Variants in DYNC1I1 observed in about 807,000 individuals in gnomAD.
DYNC1I1 encodes the protein dynein cytoplasmic 1 intermediate chain 1.
DYNC1I1 carries 43 observed loss-of-function variants against 86.6 expected under a neutral mutation model. The ratio of observed to expected loss-of-function variants is 0.50; its 90% CI spans 0.39 to 0.64. The LOEUF (loss-of-function observed/expected upper bound fraction) is 0.64, where lower values mean the gene tolerates loss of function less well. Among genes scored for constraint, DYNC1I1 ranks in the 30% least tolerant of loss-of-function variants. The pLI is 0.00. For synonymous variants in DYNC1I1, 262 were observed against 283.7 expected (o/e 0.92, Z 0.77); for missense variants, 604 against 788.8 (o/e 0.77, Z 2.81).
Position 95,989,640 on chromosome 7 carries a change from TGGA to T in DYNC1I1, c.843+2488_843+2490del, listed in dbSNP as rs548946052. On this transcript the variant is annotated intron_variant, in intron 9 of 16. Transcript: ENST00000447467. ...AGTAGGTGATGGGCCACATTGCCTG[TGGA>T]GGTGTTTCCACACAGGGTCTCGCAT... is the stretch of plus-strand genomic sequence containing the variant. Among the ~76,000 whole-genome samples the T allele has an allele frequency of 1.0e-3, 155 of 152,338 alleles. 6 individuals are homozygous for T. The South Asian group carries it at 0.031, about 31-fold the overall frequency.
intron 5 of DYNC1I1, among the ~76,000 whole-genome samples, chr7:95,867,714 A>C (rs1418488181): frequency 1.3e-5 from 2 of 152,088 alleles, no homozygotes; most frequent in African/African-American, 4.8e-5. Flanking sequence ...GCAGGTGCCC[A>C]GGGCAGTTGA....
At chr7:96,076,538 T>G (rs1329013651) in intron 15 of DYNC1I1, among the ~76,000 whole-genome samples, 3 of 152,194 alleles carry the variant, frequency 2.0e-5, no homozygotes, top group African/African-American at 4.8e-5. Context: ...AGGCAAATAC[T>G]TGGAAAAGAA....
In DYNC1I1 at chr7:95,861,052, A is replaced by C. The variant is rs148807951; in HGVS notation, c.375-8831A>C. 3.0e-4 allele frequency among the ~76,000 whole-genome samples: 45 copies of C among 152,216 alleles called. No individual in the cohort carries two copies. The East Asian group carries it at 8.1e-3, about 28-fold the overall frequency. ...TTTATCTGCTTGCCTTTCAGGAATC[A>C]TTCCTGCTCTAGAAACTGCCTAGTA... On this transcript the variant is annotated intron_variant, in intron 5 of 16. Coordinates refer to ENST00000447467, the MANE Select transcript of DYNC1I1 (RefSeq NM_001135556.2).
At chr7:96,086,152 C>T (rs192346402) in intron 16 of DYNC1I1, among the ~76,000 whole-genome samples, 84 of 152,216 alleles carry the variant, frequency 5.5e-4, no homozygotes, top group Admixed American at 4.4e-3. Flanking sequence ...GAAAGCCCAC[C>T]GCCATTGTTA....
At chr7:95,815,876 A>T (rs1158953754) in intron 4 of DYNC1I1, among the ~76,000 whole-genome samples, 1 of 152,176 alleles carries the variant, frequency 6.6e-6, no homozygotes, top group African/African-American at 2.4e-5. Context: ...CCAAAGCTAA[A>T]ATTTTCTTTA....
chr7:96,018,918 T>C (rs775523001), intron 10 of DYNC1I1, among the ~76,000 whole-genome samples: 61 of 152,124 alleles, frequency 4.0e-4, no homozygotes, highest in Non-Finnish European at 7.2e-4. Context: ...TTCAGAACTG[T>C]GTTTTCCATT....
At chr7:95,927,955 T>G (rs1791789364) in intron 6 of DYNC1I1, among the ~76,000 whole-genome samples, 1 of 152,190 alleles carries the variant, frequency 6.6e-6, no homozygotes, top group Admixed American at 6.5e-5. Flanking sequence ...AGCGTCTGTT[T>G]CACAGAACCC....
At chr7:96,044,519 T>C (rs1789150290) in intron 14 of DYNC1I1, among the ~76,000 whole-genome samples, 1 of 151,702 alleles carries the variant, frequency 6.6e-6, no homozygotes, top group African/African-American at 2.4e-5. Context: ...GAAGAGCCTG[T>C]GAAGGAGAGT....
intron 6 of DYNC1I1, among the ~76,000 whole-genome samples, chr7:95,962,914 A>T (rs1179569345): frequency 6.6e-6 from 1 of 152,166 alleles, no homozygotes; most frequent in Non-Finnish European, 1.5e-5. Context: ...TTGAAACACT[A>T]TTGACTTATA....
At chr7:95,867,845 CA>C (rs1336037062) in intron 5 of DYNC1I1, among the ~76,000 whole-genome samples, 1 of 152,238 alleles carries the variant, frequency 6.6e-6, no homozygotes, top group East Asian at 1.9e-4. Flanking sequence ...GGCTACTAAG[CA>C]GCGGAGAGGC....
intron 7 of DYNC1I1, among the ~76,000 whole-genome samples, chr7:95,984,308 C>T (rs1013277560): frequency 3.9e-4 from 60 of 152,110 alleles, no homozygotes; most frequent in African/African-American, 1.4e-3. Flanking sequence ...AATCAGTCAG[C>T]CTTACCAACT....
chr7:95,818,420 G>C, intron 4 of DYNC1I1: 1 of 561,742 alleles, frequency 1.8e-6, no homozygotes, highest in African/African-American at 1.9e-5. Context: ...TCCCACTTCA[G>C]CTTCCTGCAT....
chr7:95,835,671 A>T (rs1431869489), intron 5 of DYNC1I1, among the ~76,000 whole-genome samples: 4 of 152,090 alleles, frequency 2.6e-5, no homozygotes, highest in Admixed American at 6.5e-5. Context: ...TTGGGTGCAT[A>T]TATGTTTAGG....
intron 6 of DYNC1I1, among the ~76,000 whole-genome samples, chr7:95,910,321 C>A (rs555527784): frequency 6.6e-6 from 1 of 152,284 alleles, no homozygotes; most frequent in Admixed American, 6.5e-5. Flanking sequence ...CTAAATGCTA[C>A]CCCCATCTGT....
rs557990492 is a variant in DYNC1I1, at chr7:95,891,243, A to G, written c.490+21245A>G. On this transcript the variant is annotated intron_variant, in intron 6 of 16. Transcript: ENST00000447467. ...TGGATTTCTAGCCCCAAGACTACGAAGAAATATATTTCCGATGTTTGATCT... is the reference window on the plus strand; with the variant it reads ...TGGATTTCTAGCCCCAAGACTACGAGGAAATATATTTCCGATGTTTGATCT... Among the ~76,000 whole-genome samples the G allele has an allele frequency of 3.9e-5, 6 of 152,346 alleles. No homozygotes were observed. In the East Asian group the frequency reaches 9.6e-4, roughly 24 times the overall value.
intron 6 of DYNC1I1, among the ~76,000 whole-genome samples, chr7:95,935,809 A>G: frequency 6.6e-6 from 1 of 152,164 alleles, no homozygotes; most frequent in East Asian, 1.9e-4. Flanking sequence ...TTAAATAGAC[A>G]TTTCTCCAAA....
Position 95,923,058 on chromosome 7 carries a change from G to T in DYNC1I1, c.490+53060G>T, listed in dbSNP as rs564880689. 1.5e-3 allele frequency among the ~76,000 whole-genome samples: 234 copies of T among 152,020 alleles called. 1 individual carries two copies. The highest frequency in any genetic ancestry group is 2.8e-3 in the Non-Finnish European group (193 of 67,952). The stretch of plus-strand genomic sequence containing the variant: ...AATTCAGAGTTTTAATTTCTTCAGG[G>T]ACCTTCTGTTTTCATATCTTTTTTC... On this transcript the variant is annotated intron_variant, in intron 6 of 16. Transcript: ENST00000447467.
chr7:95,925,604 A>C (rs10280608), intron 6 of DYNC1I1, among the ~76,000 whole-genome samples: 26,628 of 152,136 alleles, frequency 0.18, 2,443 homozygotes, highest in South Asian at 0.31. Flanking sequence ...AGGTGGCATA[A>C]ACGCTGTAAC....
intron 6 of DYNC1I1, among the ~76,000 whole-genome samples, chr7:95,941,857 C>G (rs966622106): frequency 2.0e-5 from 3 of 152,188 alleles, no homozygotes; most frequent in Non-Finnish European, 4.4e-5. Flanking sequence ...GAACCCGGTA[C>G]CTCAGATGGA....
Sources: gnomAD v4.1 joint callset for allele counts (sites outside exome capture counted in the v4.1 genomes callset) on GRCh38, gnomAD v4.1.1 for gene constraint, MANE v1.5 for transcripts, NCBI Gene and HGNC (gene_info 2026-07-23, HGNC 2026-07-21) for gene names.